SVEP1: variants seen among roughly 807,000 people sequenced by gnomAD.
SVEP1 encodes the protein sushi, von Willebrand factor type A, EGF and pentraxin domain-containing protein 1.
Under a neutral mutation model 367.3 loss-of-function variants are expected in SVEP1, and 164 were observed. The observed-to-expected ratio is 0.45, with a 90% CI of 0.39 to 0.51. The LOEUF is 0.51. Among genes scored for constraint, SVEP1 ranks in the 20% least tolerant of loss-of-function variants. SVEP1 has a pLI of 0.00. For missense variants in SVEP1, 4,117 were observed against 4,425.3 expected (o/e 0.93, Z 1.98); for synonymous variants, 1,666 against 1,611.6 (o/e 1.03, Z -0.81).
rs1397170223 is a variant in SVEP1 at position 110,366,562 on chromosome 9, T to TG, written c.10695-3dup. 6 of 1,500,426 alleles carry TG rather than the reference T, an allele frequency of 4.0e-6. No individual in the cohort carries two copies. Among genetic ancestry groups the TG allele is most frequent in the African/African-American group, 3.6e-5 (2 of 56,288 alleles). The allele number at this position is 1,500,426 out of a possible 1,614,324, so 92.9% of individuals were successfully genotyped here. A position where few individuals can be genotyped will look rare whatever the true frequency, so the allele number is the denominator to read the frequency against. ...GGTTAAAACCCAGTCCTCCTTTTCC[T>TG]GGAAAAAAAAAAAAAAGCAACCAAA... On this transcript the variant is annotated splice_region_variant and splice_polypyrimidine_tract_variant and intron_variant, in intron 47 of 47. Transcript: ENST00000374469.
chr9:110,457,445 C>T (rs1400935938), intron 20 of SVEP1, 93 bp from the exon 21 acceptor site: 3 of 952,860 alleles, frequency 3.1e-6, no homozygotes, highest in Non-Finnish European at 4.8e-6. Context: ...CATTAGACAG[C>T]TCGTTCCTCC....
intron 41 of SVEP1, among the ~76,000 whole-genome samples, chr9:110,387,820 T>A (rs949528322): frequency 6.6e-6 from 1 of 152,214 alleles, no homozygotes; most frequent in African/African-American, 2.4e-5. Flanking sequence ...CTTACAACAC[T>A]TAAGTTGTAA....
At chr9:110,382,487 T>G (rs1249570119) in intron 43 of SVEP1, among the ~76,000 whole-genome samples, 1 of 152,210 alleles carries the variant, frequency 6.6e-6, no homozygotes, top group Non-Finnish European at 1.5e-5. Context: ...TCTCTCTGGC[T>G]GCCCTTAACA....
chr9:110,526,916 GC>G (rs1390531424), intron 3 of SVEP1, among the ~76,000 whole-genome samples: 1 of 152,030 alleles, frequency 6.6e-6, no homozygotes, highest in African/African-American at 2.4e-5. Flanking sequence ...TGTGAAAAAA[GC>G]CAGGCTCAAT....
Position 110,445,983 on chromosome 9 carries a change from G to C in SVEP1, c.4317C>G (p.Val1439=), listed in dbSNP as rs772298282. 6.2e-7 allele frequency: 1 copy of C among 1,613,852 alleles called. No homozygotes were observed. The highest frequency in any genetic ancestry group is 2.2e-5 in the East Asian group (1 of 44,876). Residue 1439 remains valine (V), a synonymous_variant, in exon 26 of 48, where the codon GTC becomes GTG. Coordinates refer to ENST00000374469, the MANE Select transcript of SVEP1 (RefSeq NM_153366.4). ...GAGATGGGAGCATGCCATCTAGCAT[G>C]ACATATCCATAGATGCCAGAAACTT... The part of the protein sequence containing the change: ...DFEVSGIYGY[V]MLDGMLPSLH...
At chr9:110,464,656 G>A (rs557690549) in intron 18 of SVEP1, among the ~76,000 whole-genome samples, 9 of 152,138 alleles carry the variant, frequency 5.9e-5, no homozygotes, top group Non-Finnish European at 1.3e-4. Context: ...GAACCAGTAG[G>A]TTGGCTTCTT....
chr9:110,528,457 G>A (rs1042189304), intron 3 of SVEP1, among the ~76,000 whole-genome samples: 2 of 151,202 alleles, frequency 1.3e-5, no homozygotes, highest in African/African-American at 4.9e-5. Context: ...CACCATATCC[G>A]TGCCAACATA....
intron 3 of SVEP1, among the ~76,000 whole-genome samples, chr9:110,524,699 A>ATAT (rs143284905): frequency 4.0e-5 from 6 of 150,280 alleles, no homozygotes; most frequent in African/African-American, 7.3e-5. Flanking sequence ...AATCATACAA[A>ATAT]TGTTATTATT....
intron 5 of SVEP1, among the ~76,000 whole-genome samples, chr9:110,508,775 A>G (rs1006079019): frequency 6.2e-4 from 94 of 150,592 alleles, no homozygotes; most frequent in African/African-American, 2.1e-3. Flanking sequence ...AAAAAAAAAA[A>G]AAAAAAAAGA....
At chr9:110,488,196 G>T (rs1410669343) in intron 9 of SVEP1, among the ~76,000 whole-genome samples, 1 of 152,168 alleles carries the variant, frequency 6.6e-6, no homozygotes, top group Non-Finnish European at 1.5e-5. Context: ...GGTTGGCTGT[G>T]TCCTTTTCTG....
intron 3 of SVEP1, among the ~76,000 whole-genome samples, chr9:110,534,998 G>C (rs1338714668): frequency 6.6e-6 from 1 of 151,938 alleles, no homozygotes; most frequent in East Asian, 1.9e-4. Flanking sequence ...AGTTTCCTTT[G>C]CTGTGTAGAA....
chr9:110,524,529 T>C (rs1003136900), intron 3 of SVEP1, among the ~76,000 whole-genome samples: 5 of 152,104 alleles, frequency 3.3e-5, no homozygotes, highest in Non-Finnish European at 1.5e-5. Flanking sequence ...AATGTAATCA[T>C]GTTAACAATA....
chr9:110,468,824 C>T (rs961337264), intron 17 of SVEP1, 116 bp downstream of exon 17: 28 of 1,003,814 alleles, frequency 2.8e-5, no homozygotes, highest in Non-Finnish European at 3.7e-5. Context: ...CTATCTTTTG[C>T]CACAGGGGCC....
intron 41 of SVEP1, 78 bp downstream of exon 41, chr9:110,389,446 T>C: frequency 6.5e-7 from 1 of 1,545,612 alleles, no homozygotes; most frequent in Non-Finnish European, 8.8e-7. Flanking sequence ...AAAACTAACC[T>C]ATAAAGAAAA....
At chr9:110,403,672 T>C (rs1033385198) in intron 39 of SVEP1, among the ~76,000 whole-genome samples, 1 of 151,970 alleles carries the variant, frequency 6.6e-6, no homozygotes, top group African/African-American at 2.4e-5. Context: ...ATAATAAGAT[T>C]TCATGACAAA....
intron 1 of SVEP1, among the ~76,000 whole-genome samples, chr9:110,564,803 T>A (rs1348290121): frequency 6.6e-6 from 1 of 151,620 alleles, no homozygotes; most frequent in Non-Finnish European, 1.5e-5. Flanking sequence ...AGAAGATTAA[T>A]TATCTGTATT....
At chr9:110,400,208 A>C (rs563915260) in intron 40 of SVEP1, among the ~76,000 whole-genome samples, 5 of 152,314 alleles carry the variant, frequency 3.3e-5, no homozygotes, top group African/African-American at 1.2e-4. Flanking sequence ...TTACCTCTCC[A>C]TGGTGACCGG....
In SVEP1 at chr9:110,411,678, T is replaced by C; in HGVS notation, c.6033A>G (p.Arg2011=). 7 of 1,603,350 alleles carry C rather than the reference T, an allele frequency of 4.4e-6. No individual in the cohort carries two copies. Among genetic ancestry groups the C allele is most frequent in the Non-Finnish European group, 6.0e-6 (7 of 1,174,948 alleles). The change falls in exon 37 of 48, where the codon AGA becomes AGG. Residue 2011 remains arginine, a synonymous_variant. Coordinates refer to ENST00000374469, the MANE Select transcript of SVEP1 (RefSeq NM_153366.4). ...AGACAGCCAGGCACTGCTGGTCACT[T>C]CTACTCCACTTGCCGTCGGCCAGGC... is the stretch of plus-strand genomic sequence containing the variant. ...IECLADGKWS[R]SDQQCLAVSC...
At chr9:110,415,404 C>T (rs888935387) in intron 36 of SVEP1, among the ~76,000 whole-genome samples, 1 of 151,932 alleles carries the variant, frequency 6.6e-6, no homozygotes, top group Non-Finnish European at 1.5e-5. Context: ...ACATTGTGTG[C>T]AGGGCAATGG....
Sources: gnomAD v4.1 joint callset for allele counts (sites outside exome capture counted in the v4.1 genomes callset) on GRCh38, gnomAD v4.1.1 for gene constraint, MANE v1.5 for transcripts, NCBI Gene and HGNC (gene_info 2026-07-23, HGNC 2026-07-21) for gene names.